HDGFL2: variants seen among roughly 807,000 people sequenced by gnomAD.
HDGFL2 encodes HDGF like 2, also known as hepatoma-derived growth factor-related protein 2.
A neutral mutation model predicts 77.1 loss-of-function variants in HDGFL2; 36 were observed. The ratio of observed to expected loss-of-function variants is 0.47; its 90% CI spans 0.36 to 0.62. The LOEUF is 0.62. Ranked by LOEUF, HDGFL2 falls within the 20% of genes least tolerant of loss-of-function variation. The probability of loss-of-function intolerance (pLI) is 0.00; values close to 1 mark genes in which losing one functional copy is unlikely to be tolerated. For missense variants in HDGFL2, 976 were observed against 973.4 expected (o/e 1.00, Z -0.04); for synonymous variants, 463 against 413.1 (o/e 1.12, Z -1.46).
intron 4 of HDGFL2, among the ~76,000 whole-genome samples, chr19:4,490,305 T>TTGAA (rs1975473881): frequency 6.6e-6 from 1 of 152,198 alleles, no homozygotes; most frequent in Non-Finnish European, 1.5e-5. Context: ...CAGGCTGGTC[T>TTGAA]CGAACTCCTG....
At chr19:4,479,951 A>G (rs538604974) in intron 3 of HDGFL2, among the ~76,000 whole-genome samples, 23 of 151,614 alleles carry the variant, frequency 1.5e-4, no homozygotes, top group Middle Eastern at 6.8e-3. Context: ...AGAGGGACCC[A>G]GCTGGTGTCT....
At chr19:4,487,535 G>C (rs1452411796) in intron 3 of HDGFL2, among the ~76,000 whole-genome samples, 1 of 152,194 alleles carries the variant, frequency 6.6e-6, no homozygotes, top group Non-Finnish European at 1.5e-5. Context: ...GGGATTACAG[G>C]CGTGAGCCAC....
chr19:4,498,867 C>G lies in HDGFL2; in HGVS notation c.1527C>G (p.Thr509=). ...ALEELGTLQV[T]SQILQKNTDV... ...AGGAGCTGGGAACCCTGCAGGTGAC[C>G]TCTCAGATCCTCCAGAAGAACACAG... The change falls in exon 13 of 16, where the codon ACC becomes ACG. Residue 509 remains threonine (T), a synonymous_variant. Transcript: ENST00000616600. 1 of 1,612,132 alleles carries G rather than the reference C, an allele frequency of 6.2e-7. No homozygotes were observed. The highest frequency in any genetic ancestry group is 8.5e-7 in the Non-Finnish European group (1 of 1,179,056).
intron 14 of HDGFL2, among the ~76,000 whole-genome samples, chr19:4,500,071 C>A (rs867388861): frequency 1.3e-5 from 2 of 152,094 alleles, no homozygotes; most frequent in African/African-American, 2.4e-5. Context: ...GAGAGGCAGT[C>A]GGTGGAGGCT....
intron 6 of HDGFL2, among the ~76,000 whole-genome samples, chr19:4,492,926 CTGTGTGTGTGGTG>C (rs1301323804): frequency 4.8e-5 from 4 of 83,596 alleles, no homozygotes; most frequent in South Asian, 4.1e-4. Flanking sequence ...TGGTGTGTAT[CTGTGTGTGTGGTG>C]TGTGTGTGTG....
Position 4,497,942 on chromosome 19 carries a change from G to T in HDGFL2, c.1329-16G>T, listed in dbSNP as rs1231342078. 3 of 1,550,682 alleles carry T rather than the reference G, an allele frequency of 1.9e-6. No individual in the cohort carries two copies. Among genetic ancestry groups the T allele is most frequent in the Admixed American group, 3.9e-5 (2 of 50,996 alleles). Reference sequence around the variant, plus strand: ...GCCGGTGACGGGGCCCGACTGAGGGGAGCACTTCTCCACAGGCCCGTGAAG... The same window carrying T: ...GCCGGTGACGGGGCCCGACTGAGGGTAGCACTTCTCCACAGGCCCGTGAAG... On this transcript the variant is annotated splice_polypyrimidine_tract_variant and intron_variant, in intron 10 of 15. Transcript: ENST00000616600.
At position 4,502,140 on chromosome 19, in the gene HDGFL2, T is replaced by G. The variant is rs748559731; in HGVS notation, c.*130T>G. ...TTGTATTTGTTCCCTTGGGTTTTTT[T>G]TTCCTGCCTAATTTCTGTGATTTCC... On this transcript the variant is annotated 3_prime_UTR_variant, in exon 16 of 16. Coordinates refer to ENST00000616600, the MANE Select transcript of HDGFL2 (RefSeq NM_001001520.3). The G allele has an allele frequency of 1.4e-6, 1 of 731,860 alleles. No individual in the cohort carries two copies. Among genetic ancestry groups the G allele is most frequent in the South Asian group, 1.5e-5 (1 of 65,394 alleles). 45.3% of individuals were successfully genotyped at this position (731,860 alleles called of 1,614,324 possible).
At chr19:4,486,585 AT>A (rs1975368567) in intron 3 of HDGFL2, among the ~76,000 whole-genome samples, 1 of 151,912 alleles carries the variant, frequency 6.6e-6, no homozygotes, top group Non-Finnish European at 1.5e-5. Flanking sequence ...CACTCCTGTA[AT>A]CCCAGCACTT....
rs549209819 is a variant in HDGFL2, at chr19:4,493,736, G to A, written c.712G>A (p.Ala238Thr). The change falls in exon 7 of 16, where the codon GCC becomes ACC. Residue 238 changes from alanine (A) to threonine (T), a missense_variant. Physicochemically the swap from Ala to Thr is moderately conservative, Grantham distance 58 (BLOSUM62 0). Transcript: ENST00000616600. ...APSASDSDSK[A>T]DSDGAKPEPV... ...ATCAGCCTCCGACTCCGACTCCAAG[G>A]CCGATTCGGACGGGGCCAAGCCTGA... The A allele has an allele frequency of 1.1e-4, 160 of 1,512,040 alleles. 1 individual carries two copies. In the South Asian group the frequency reaches 1.6e-3, roughly 15 times the overall value. 93.7% of individuals were successfully genotyped at this position (1,512,040 alleles called of 1,614,324 possible). A position where few individuals can be genotyped will look rare whatever the true frequency, so the allele number is the denominator to read the frequency against.
At position 4,496,364 on chromosome 19, in the gene HDGFL2, G is replaced by A. The variant is rs1489893084; in HGVS notation, c.1287G>A (p.Gln429=). The change falls in exon 10 of 16, where the codon CAG becomes CAA. Residue 429 remains glutamine (Q), a synonymous_variant. Transcript: ENST00000616600. The part of the protein sequence containing the change: ...SSTEPARKPG[Q]KEKRVRPEEK... ...CAGAGCCCGCCAGGAAACCTGGCCA[G>A]AAGGAGAAGAGAGTGCGGCCCGAGG... 1.2e-6 allele frequency: 2 copies of A among 1,613,976 alleles called. No homozygotes were observed. The highest frequency in any genetic ancestry group is 1.3e-5 in the African/African-American group (1 of 74,938).
chr19:4,482,309 A>C (rs2145168398), intron 3 of HDGFL2, among the ~76,000 whole-genome samples: 2 of 151,676 alleles, frequency 1.3e-5, no homozygotes, highest in South Asian at 4.2e-4. Flanking sequence ...TCCCAAGTTC[A>C]AGTGATTCTC....
chr19:4,491,504 G>C, intron 4 of HDGFL2, 62 bp from the exon 5 acceptor site: 1 of 1,447,048 alleles, frequency 6.9e-7, no homozygotes, highest in Non-Finnish European at 9.7e-7. Flanking sequence ...CAGTCAGCTG[G>C]GGGCTTCCTG....
At chr19:4,491,253 A>AC (rs1568211748) in intron 4 of HDGFL2, among the ~76,000 whole-genome samples, 4 of 25,242 alleles carry the variant, frequency 1.6e-4, no homozygotes, top group Non-Finnish European at 2.3e-4. Flanking sequence ...CCCACCACCC[A>AC]CCCCCCCACC....
chr19:4,472,812 T>G (rs1159136052), intron 1 of HDGFL2, among the ~76,000 whole-genome samples: 1 of 137,674 alleles, frequency 7.3e-6, no homozygotes, highest in African/African-American at 2.8e-5. Flanking sequence ...CAGGAGCCCC[T>G]CCCGGGGTCT....
chr19:4,496,835 T>G, intron 10 of HDGFL2: 1 of 388,614 alleles, frequency 2.6e-6, no homozygotes, highest in South Asian at 2.0e-5. Context: ...TTGGTCCCCC[T>G]GTGGTGGGCA....
intron 1 of HDGFL2, 114 bp from the exon 2 acceptor site, chr19:4,475,161 G>A: frequency 2.5e-6 from 2 of 811,682 alleles, no homozygotes; most frequent in Non-Finnish European, 4.0e-6. Context: ...GCTGCTTCCT[G>A]GGTTGAAGGC....
At chr19:4,498,053 C>G (rs368748256) in intron 11 of HDGFL2, 22 bp downstream of exon 11, 3 of 1,543,634 alleles carry the variant, frequency 1.9e-6, no homozygotes, top group African/African-American at 2.7e-5. Context: ...CTGCCCAGCA[C>G]TGCCCACACT....
At chr19:4,496,556 C>T (rs553069926) in intron 10 of HDGFL2, 151 bp downstream of exon 10, 9 of 666,044 alleles carry the variant, frequency 1.4e-5, no homozygotes, top group African/African-American at 3.6e-5. Context: ...GTGTGGGCTG[C>T]GTAGGAATCG....
rs183047202 is a variant in HDGFL2 at position 4,497,094 on chromosome 19, C to T, written c.1328+689C>T. The T allele has an allele frequency of 6.0e-4, 255 of 428,132 alleles. 1 individual carries two copies. The highest frequency in any genetic ancestry group is 4.1e-3 in the African/African-American group (201 of 48,652). The allele number at this position is 428,132 out of a possible 1,614,324, so 26.5% of individuals were successfully genotyped here. A position where few individuals can be genotyped will look rare whatever the true frequency, so the allele number is the denominator to read the frequency against. On this transcript the variant is annotated intron_variant, in intron 10 of 15. Transcript: ENST00000616600. ...TTCATCATGTTGGCCAGGCTGGTCT[C>T]GATCTCCTGACCCCGTGATCTGCCC...
Sources: allele counts gnomAD v4.1 joint callset (sites outside exome capture counted in the v4.1 genomes callset), GRCh38; gene constraint gnomAD v4.1.1; transcripts MANE v1.5; gene names NCBI Gene and HGNC (gene_info 2026-07-23, HGNC 2026-07-21).